The following LRMDA variants were observed in gnomAD, a reference collection of about 807,000 sequenced individuals.
LRMDA encodes leucine rich melanocyte differentiation associated, also known as leucine-rich melanocyte differentiation-associated protein.
In LRMDA, 18 loss-of-function variants were observed where a neutral mutation model predicts 29.8. That is an observed-to-expected ratio of 0.60 (90% CI 0.42 to 0.90). LRMDA has a LOEUF of 0.90. Ranked by LOEUF, LRMDA falls within the 40% of genes least tolerant of loss-of-function variation. The probability of loss-of-function intolerance (pLI) is 0.00; values close to 1 mark genes in which losing one functional copy is unlikely to be tolerated. For synonymous variants in LRMDA, 125 were observed against 109.4 expected (o/e 1.14, Z -0.89); for missense variants, 273 against 273.9 (o/e 1.00, Z 0.02).
chr10:76,530,430 A>G (rs550963511), intron 6 of LRMDA, among the ~76,000 whole-genome samples: 3 of 152,308 alleles, frequency 2.0e-5, no homozygotes, highest in African/African-American at 2.4e-5. Context: ...GTTTAGATCC[A>G]TTTTATAGGC....
intron 6 of LRMDA, among the ~76,000 whole-genome samples, chr10:76,386,880 C>T (rs1841665917): frequency 6.6e-6 from 1 of 151,710 alleles, no homozygotes; most frequent in Admixed American, 6.6e-5. Flanking sequence ...ACAAAAAATC[C>T]AGTAGAAATG....
chr10:75,482,921 A>G (rs537758214), intron 2 of LRMDA, among the ~76,000 whole-genome samples: 1 of 152,154 alleles, frequency 6.6e-6, no homozygotes, highest in South Asian at 2.1e-4. Flanking sequence ...TCACATTTTC[A>G]GCTTAGTTAA....
intron 2 of LRMDA, among the ~76,000 whole-genome samples, chr10:75,773,425 G>T (rs1460488725): frequency 6.6e-6 from 1 of 152,202 alleles, no homozygotes; most frequent in Non-Finnish European, 1.5e-5. Flanking sequence ...TCATGGTGGT[G>T]AATCTAGGGG....
At chr10:76,416,870 G>T (rs1464263554) in intron 6 of LRMDA, among the ~76,000 whole-genome samples, 1 of 152,152 alleles carries the variant, frequency 6.6e-6, no homozygotes, top group East Asian at 1.9e-4. Context: ...CTTGTATGTT[G>T]TATAGGTGTG....
At chr10:75,692,208 GAA>G (rs528945539) in intron 2 of LRMDA, among the ~76,000 whole-genome samples, 674 of 61,072 alleles carry the variant, frequency 0.011, 1 homozygote, top group East Asian at 0.032. Flanking sequence ...TCTCTGGGGG[GAA>G]AAAAAAAAAA....
chr10:75,646,193 T>C (rs1486408519), intron 2 of LRMDA, among the ~76,000 whole-genome samples: 1 of 152,198 alleles, frequency 6.6e-6, no homozygotes, highest in Non-Finnish European at 1.5e-5. Flanking sequence ...GCTTTGCATG[T>C]TTTGCAGCTG....
intron 6 of LRMDA, among the ~76,000 whole-genome samples, chr10:76,377,510 T>C (rs534133359): frequency 6.6e-6 from 1 of 152,242 alleles, no homozygotes; most frequent in African/African-American, 2.4e-5. Context: ...TCTTCTAGGG[T>C]TTTAATAGTT....
At chr10:75,669,718 A>ATTTATT (rs1448235337) in intron 2 of LRMDA, among the ~76,000 whole-genome samples, 1 of 152,146 alleles carries the variant, frequency 6.6e-6, no homozygotes, top group Non-Finnish European at 1.5e-5. Flanking sequence ...AAGACTAATA[A>ATTTATT]TTTATTATTT....
chr10:76,241,744 C>T (rs1010423242), intron 5 of LRMDA, among the ~76,000 whole-genome samples: 1 of 152,144 alleles, frequency 6.6e-6, no homozygotes, highest in Non-Finnish European at 1.5e-5. Context: ...GCCTGACCCC[C>T]ATCCTCACCA....
intron 2 of LRMDA, among the ~76,000 whole-genome samples, chr10:75,640,428 A>G (rs1451519809): frequency 6.6e-6 from 1 of 152,096 alleles, no homozygotes; most frequent in Non-Finnish European, 1.5e-5. Flanking sequence ...TCCCTTTGTG[A>G]TTTTAGCAGG....
intron 6 of LRMDA, among the ~76,000 whole-genome samples, chr10:76,554,294 C>T (rs750592396): frequency 2.6e-5 from 4 of 152,130 alleles, no homozygotes; most frequent in East Asian, 1.9e-4. Flanking sequence ...TTTCTGTCAC[C>T]GCACACAATC....
chr10:76,117,802 G>A (rs1197138982), intron 5 of LRMDA, among the ~76,000 whole-genome samples: 1 of 152,176 alleles, frequency 6.6e-6, no homozygotes, highest in Non-Finnish European at 1.5e-5. Context: ...TAGTATTCAG[G>A]ATATTGTCAG....
chr10:76,416,476 CT>C (rs947704974), intron 6 of LRMDA, among the ~76,000 whole-genome samples: 2 of 152,118 alleles, frequency 1.3e-5, no homozygotes, highest in African/African-American at 2.4e-5. Flanking sequence ...ACTATGCTGC[CT>C]TTTTTCCCAG....
intron 5 of LRMDA, among the ~76,000 whole-genome samples, chr10:76,299,618 T>TTA (rs1840456155): frequency 6.6e-6 from 1 of 150,524 alleles, no homozygotes; most frequent in East Asian, 2.0e-4. Flanking sequence ...TTTTTTTTTT[T>TTA]ATGGGACTCA....
chr10:76,337,867 G>A (rs952013291), intron 6 of LRMDA, among the ~76,000 whole-genome samples: 1 of 151,988 alleles, frequency 6.6e-6, no homozygotes, highest in Non-Finnish European at 1.5e-5. Flanking sequence ...TTAGTTAGTG[G>A]TTTCTTGTTG....
intron 6 of LRMDA, among the ~76,000 whole-genome samples, chr10:76,504,953 T>C (rs982795220): frequency 1.3e-5 from 2 of 152,104 alleles, no homozygotes; most frequent in African/African-American, 2.4e-5. Context: ...TTTGTTTCCA[T>C]GTATAGCACT....
chr10:76,029,819 G>T (rs1848119631), intron 2 of LRMDA, among the ~76,000 whole-genome samples: 1 of 152,156 alleles, frequency 6.6e-6, no homozygotes, highest in South Asian at 2.1e-4. Flanking sequence ...GCAGTTCAGG[G>T]ATTAGCCATC....
rs1299432498 is a variant in LRMDA at position 76,287,025 on chromosome 10, T to TATAAATAATAAATAAAAAA, written c.517-37376_517-37375insATAAATAATAAATAAAAAA. ...CCTCTATTATTAATGGCAGAGACAA[T>TATAAATAATAAATAAAAAA]GATATAATTATTTATGCTGGAACTC... On this transcript the variant is annotated intron_variant, in intron 5 of 6. Coordinates refer to ENST00000611255, the MANE Select transcript of LRMDA (RefSeq NM_001305581.2). Among the ~76,000 whole-genome samples the TATAAATAATAAATAAAAAA allele has an allele frequency of 1.5e-4, 23 of 152,276 alleles. No homozygotes were observed. In the East Asian group the frequency reaches 4.1e-3, roughly 27 times the overall value.
chr10:75,432,643 C>T (rs1351780834), intron 1 of LRMDA, among the ~76,000 whole-genome samples: 1 of 152,232 alleles, frequency 6.6e-6, no homozygotes, highest in African/African-American at 2.4e-5. Flanking sequence ...TTGAAGCTCT[C>T]CTCTTGGATT....
Sources: allele counts gnomAD v4.1 joint callset (sites outside exome capture counted in the v4.1 genomes callset), GRCh38; gene constraint gnomAD v4.1.1; transcripts MANE v1.5; gene names NCBI Gene and HGNC (gene_info 2026-07-23, HGNC 2026-07-21).